PGAM5: variants seen among roughly 807,000 people sequenced by gnomAD.
PGAM5 encodes serine/threonine-protein phosphatase PGAM5, mitochondrial.
A neutral mutation model predicts 30.6 loss-of-function variants in PGAM5; 25 were observed. That is an observed-to-expected ratio of 0.82 (90% confidence interval 0.60 to 1.14). PGAM5 has a LOEUF of 1.14. Ranked by LOEUF, PGAM5 falls within the 50% of genes most tolerant of loss-of-function variation. The pLI, the probability that PGAM5 is intolerant of heterozygous loss-of-function variation, is 0.00. For synonymous variants in PGAM5, 201 were observed against 179.1 expected (o/e 1.12, Z -0.98); for missense variants, 384 against 408.5 (o/e 0.94, Z 0.52).
intron 1 of PGAM5, among the ~76,000 whole-genome samples, chr12:132,712,664 C>G (rs1298226742): frequency 1.3e-5 from 2 of 151,582 alleles, no homozygotes; most frequent in African/African-American, 2.4e-5. Flanking sequence ...CCATGTCGGT[C>G]AGGCTGGTCT....
At chr12:132,714,581 C>T (rs966204777) in intron 1 of PGAM5, among the ~76,000 whole-genome samples, 2 of 152,210 alleles carry the variant, frequency 1.3e-5, no homozygotes, top group African/African-American at 4.8e-5. Context: ...CTGTCTCCTG[C>T]TGTTCACTGT....
intron 5 of PGAM5, among the ~76,000 whole-genome samples, chr12:132,719,964 T>C (rs1231228497): frequency 1.3e-5 from 2 of 152,250 alleles, no homozygotes; most frequent in Admixed American, 6.5e-5. Flanking sequence ...TCCCTGCTTT[T>C]ATATGGGAAA....
intron 5 of PGAM5, 79 bp downstream of exon 5, chr12:132,718,199 C>G: frequency 6.4e-7 from 1 of 1,561,380 alleles, no homozygotes; most frequent in East Asian, 2.3e-5. Context: ...CCGAGCGAGA[C>G]CCTCCTCCAC....
Position 132,718,082 on chromosome 12 carries a change from C to T in PGAM5, c.681C>T (p.Phe227=). Residue 227 remains phenylalanine, a synonymous_variant, in exon 5 of 6, where the codon TTC becomes TTT. Transcript: ENST00000498926. ...ARQEEDSYEI[F]ICHANVIRYI... ...AGGAGGAGGACAGTTACGAGATCTTCATCTGTCACGCCAACGTCATCCGCT... is the reference window on the plus strand; with the variant it reads ...AGGAGGAGGACAGTTACGAGATCTTTATCTGTCACGCCAACGTCATCCGCT... 6.2e-7 allele frequency: 1 copy of T among 1,612,822 alleles called. No individual in the cohort carries two copies. Among genetic ancestry groups the T allele is most frequent in the Non-Finnish European group, 8.5e-7 (1 of 1,179,986 alleles).
rs1172425546 is a variant in PGAM5, at chr12:132,715,738, G to A, written c.370+702G>A. 3.3e-5 allele frequency among the ~76,000 whole-genome samples: 5 copies of A among 152,126 alleles called. No homozygotes were observed. In the East Asian group the frequency reaches 9.7e-4, roughly 29 times the overall value. On this transcript the variant is annotated intron_variant, in intron 2 of 5. Coordinates refer to ENST00000498926, the MANE Select transcript of PGAM5 (RefSeq NM_001170543.2). ...TACTAAAAGTACAAAAATTAGCCGG[G>A]TGCAGTGGCAGGCACCTGTAATCCC...
At position 132,710,950 on chromosome 12, in the gene PGAM5, C is replaced by G; in HGVS notation, c.74C>G (p.Ala25Gly). 8.5e-7 allele frequency: 1 copy of G among 1,180,060 alleles called. No homozygotes were observed. The highest frequency in any genetic ancestry group is 1.0e-6 in the Non-Finnish European group (1 of 955,592). The allele number at this position is 1,180,060 out of a possible 1,614,324, so 73.1% of individuals were successfully genotyped here. A position where few individuals can be genotyped will look rare whatever the true frequency, so the allele number is the denominator to read the frequency against. ...AGGSAAVLFS[A>G]VAVGKPRAGG... ...GGCTCGGCCGCCGTGCTCTTCTCGG[C>G]CGTGGCGGTAGGGAAGCCGCGCGCA... Residue 25 changes from alanine to glycine, a missense_variant, in exon 1 of 6, where the codon GCC becomes GGC. Transcript: ENST00000498926.
chr12:132,711,127 TG>T, intron 1 of PGAM5, 60 bp downstream of exon 1: 2 of 1,145,192 alleles, frequency 1.7e-6, no homozygotes, highest in Non-Finnish European at 2.2e-6. Context: ...GTGTTACCGT[TG>T]GGATCGAGAT....
intron 1 of PGAM5, among the ~76,000 whole-genome samples, chr12:132,711,844 T>C (rs1442075910): frequency 6.6e-6 from 1 of 152,224 alleles, no homozygotes; most frequent in Admixed American, 6.5e-5. Flanking sequence ...GAAATAGTAT[T>C]TTTAGCATAT....
intron 5 of PGAM5, chr12:132,718,963 T>G (rs1027923569): frequency 2.7e-5 from 41 of 1,494,866 alleles, no homozygotes; most frequent in Non-Finnish European, 3.5e-5. Context: ...CCTGCTCTGG[T>G]GCCCCACTCT....
intron 1 of PGAM5, among the ~76,000 whole-genome samples, chr12:132,711,853 A>AT (rs1315659366): frequency 6.6e-6 from 1 of 151,852 alleles, no homozygotes; most frequent in Non-Finnish European, 1.5e-5. Flanking sequence ...TTTTTAGCAT[A>AT]TTGAATTAAA....
In PGAM5 at chr12:132,721,814, G is replaced by A. The variant is rs1028933213; in HGVS notation, c.*986G>A. 1 of 152,176 alleles carries A rather than the reference G, an allele frequency of 6.6e-6. No homozygotes were observed. Among genetic ancestry groups the A allele is most frequent in the African/African-American group, 2.4e-5 (1 of 41,424 alleles). The allele number at this position is 152,176 out of a possible 1,614,324, so 9.4% of individuals were successfully genotyped here. On this transcript the variant is annotated 3_prime_UTR_variant, in exon 6 of 6. Coordinates refer to ENST00000498926, the MANE Select transcript of PGAM5 (RefSeq NM_001170543.2). ...GAGAAACCAATATAGAATTGTTCAG[G>A]CTGGTCTCGAACTCCCAACCTCAGG...
At position 132,722,261 on chromosome 12, in the gene PGAM5, T is replaced by G. The variant is rs2043653225; in HGVS notation, c.*1433T>G. ...ATGTGTGGTTTTTTTTTTGTTTTTT[T>G]TTTTTTGGAGACGGAGTCTCGCTCT... On this transcript the variant is annotated 3_prime_UTR_variant, in exon 6 of 6. Coordinates refer to ENST00000498926, the MANE Select transcript of PGAM5 (RefSeq NM_001170543.2). 1 of 151,564 alleles carries G rather than the reference T, an allele frequency of 6.6e-6. No homozygotes were observed. The highest frequency in any genetic ancestry group is 2.4e-5 in the African/African-American group (1 of 41,254). The allele number at this position is 151,564 out of a possible 1,614,324, so 9.4% of individuals were successfully genotyped here. A position where few individuals can be genotyped will look rare whatever the true frequency, so the allele number is the denominator to read the frequency against.
Position 132,719,401 on chromosome 12 carries a change from G to C in PGAM5, c.720-1277G>C, listed in dbSNP as rs560653162. 1.3e-4 allele frequency among the ~76,000 whole-genome samples: 20 copies of C among 152,338 alleles called. No individual in the cohort carries two copies. The East Asian group carries it at 3.3e-3, about 25-fold the overall frequency. On this transcript the variant is annotated intron_variant, in intron 5 of 5. Coordinates refer to ENST00000498926, the MANE Select transcript of PGAM5 (RefSeq NM_001170543.2). ...AGCTCCCAGAAAGTCGAGGATGTAC[G>C]GGCCGAGATTCTCAAGCTTGGCTCC...
intron 5 of PGAM5, among the ~76,000 whole-genome samples, chr12:132,719,513 G>A (rs1394160093): frequency 6.6e-6 from 1 of 152,200 alleles, no homozygotes; most frequent in East Asian, 1.9e-4. Flanking sequence ...TGAGTCGTTC[G>A]TTGCCTCCTG....
At position 132,722,152 on chromosome 12, in the gene PGAM5, G is replaced by T. The variant is rs921569585; in HGVS notation, c.*1324G>T. On this transcript the variant is annotated 3_prime_UTR_variant, in exon 6 of 6. Coordinates refer to ENST00000498926, the MANE Select transcript of PGAM5 (RefSeq NM_001170543.2). The stretch of plus-strand genomic sequence containing the variant: ...ACACGCTAGTGACAGCCCAATAGGG[G>T]GTTACCCTTATTGAGTAAAATACTT... 1.1e-4 allele frequency: 17 copies of T among 152,190 alleles called. No homozygotes were observed. Among genetic ancestry groups the T allele is most frequent in the African/African-American group, 3.6e-4 (15 of 41,434 alleles). 9.4% of individuals were successfully genotyped at this position (152,190 alleles called of 1,614,324 possible). A position where few individuals can be genotyped will look rare whatever the true frequency, so the allele number is the denominator to read the frequency against.
chr12:132,720,663 T>C lies in PGAM5; in HGVS notation c.720-15T>C, dbSNP rs764334387. 2 of 1,533,276 alleles carry C rather than the reference T, an allele frequency of 1.3e-6. No homozygotes were observed. The highest frequency in any genetic ancestry group is 1.7e-6 in the Non-Finnish European group (2 of 1,144,886). The allele number at this position is 1,533,276 out of a possible 1,614,324, so 95.0% of individuals were successfully genotyped here. A position where few individuals can be genotyped will look rare whatever the true frequency, so the allele number is the denominator to read the frequency against. ...GGCTCTAACGTGCTCTTTCTCTCTC[T>C]CTCTCTCTCCCCAGAGCACTGCAGT... On this transcript the variant is annotated splice_polypyrimidine_tract_variant and intron_variant, in intron 5 of 5. Coordinates refer to ENST00000498926, the MANE Select transcript of PGAM5 (RefSeq NM_001170543.2).
At chr12:132,718,680 G>C in intron 5 of PGAM5, 1 of 1,498,394 alleles carries the variant, frequency 6.7e-7, no homozygotes, top group Non-Finnish European at 9.3e-7. Context: ...TGCCCTGGTT[G>C]TTTTCCCTTT....
chr12:132,711,055 C>T lies in PGAM5; in HGVS notation c.179C>T (p.Pro60Leu). 8.2e-7 allele frequency: 1 copy of T among 1,212,406 alleles called. No individual in the cohort carries two copies. The highest frequency in any genetic ancestry group is 1.0e-6 in the Non-Finnish European group (1 of 975,168). 75.1% of individuals were successfully genotyped at this position (1,212,406 alleles called of 1,614,324 possible). A position where few individuals can be genotyped will look rare whatever the true frequency, so the allele number is the denominator to read the frequency against. ...GARPGPGVWD[P>L]NWDRREPLSL... is the part of the protein sequence containing the mutation. ...CGGCCGGGCCCCGGTGTCTGGGACC[C>T]CAACTGGGACAGGTGCGCGCGGGGC... The change falls in exon 1 of 6, where the codon CCC (proline) becomes CTC (leucine). Residue 60 changes from proline (P) to leucine (L), a missense_variant. Coordinates refer to ENST00000498926, the MANE Select transcript of PGAM5 (RefSeq NM_001170543.2).
intron 1 of PGAM5, among the ~76,000 whole-genome samples, chr12:132,712,799 A>G (rs1221945766): frequency 6.6e-6 from 1 of 152,064 alleles, no homozygotes; most frequent in Non-Finnish European, 1.5e-5. Flanking sequence ...AAAATCAGAA[A>G]TTCTGAATCA....
Sources: allele counts gnomAD v4.1 joint callset (sites outside exome capture counted in the v4.1 genomes callset), GRCh38; gene constraint gnomAD v4.1.1; transcripts MANE v1.5; gene names NCBI Gene and HGNC (gene_info 2026-07-23, HGNC 2026-07-21).